MYOF: variants seen among roughly 807,000 people sequenced by gnomAD.
The protein encoded by MYOF is myoferlin.
In MYOF, 244 loss-of-function variants were observed where a neutral mutation model predicts 284.2. That is an observed-to-expected ratio of 0.86 (90% confidence interval 0.77 to 0.95). The LOEUF is 0.95. MYOF is among the 40% of genes least tolerant of loss of function. The pLI is 0.00. For synonymous variants in MYOF, 904 were observed against 919.7 expected, an observed-to-expected ratio of 0.98 and a Z score of 0.31; for missense variants, 2,496 against 2,560.6, an observed-to-expected ratio of 0.97 and a Z score of 0.54.
rs562854028 is a variant in MYOF, at chr10:93,359,336, G to A, written c.3120+497C>T. ...TTCTATACATGCCACTTATTATTGAGTGTTACTGTTCTATTTAATTTATTA... is the reference window on the plus strand; with the variant it reads ...TTCTATACATGCCACTTATTATTGAATGTTACTGTTCTATTTAATTTATTA... On this transcript the variant is annotated intron_variant, in intron 29 of 53. Coordinates refer to ENST00000359263, the MANE Select transcript of MYOF (RefSeq NM_013451.4). 4.4e-5 allele frequency among the ~76,000 whole-genome samples: 6 copies of A among 136,122 alleles called. No homozygotes were observed. The South Asian group carries it at 1.6e-3, about 37-fold the overall frequency. 89.3% of individuals were successfully genotyped at this position (136,122 alleles called of 152,430 possible).
intron 27 of MYOF, among the ~76,000 whole-genome samples, chr10:93,362,627 ATTGAC>A (rs1845130634): frequency 6.6e-6 from 1 of 152,184 alleles, no homozygotes. Flanking sequence ...TATCTAAAAT[ATTGAC>A]TTAAGTTTGC....
At chr10:93,472,480 A>C (rs1219013861) in intron 1 of MYOF, among the ~76,000 whole-genome samples, 1 of 152,068 alleles carries the variant, frequency 6.6e-6, no homozygotes, top group East Asian at 1.9e-4. Flanking sequence ...CTCTACTAAA[A>C]ATACAAAAAT....
chr10:93,361,433 C>A lies in MYOF; in HGVS notation c.2974+19G>T, dbSNP rs368754581. On this transcript the variant is annotated intron_variant, in intron 28 of 53. Transcript: ENST00000359263. Reference sequence around the variant, plus strand: ...CCCTGCTGCAGAGCCCCAATCAGGTCACAGATGTACAATGTTACCTTTCTC... The same window carrying A: ...CCCTGCTGCAGAGCCCCAATCAGGTAACAGATGTACAATGTTACCTTTCTC... 26 of 1,610,496 alleles carry A rather than the reference C, an allele frequency of 1.6e-5. No individual in the cohort carries two copies. In the African/African-American group the frequency reaches 1.7e-4, roughly 11 times the overall value.
At chr10:93,313,263 T>C in intron 50 of MYOF, 53 bp from the exon 51 acceptor site, 1 of 1,532,910 alleles carries the variant, frequency 6.5e-7, no homozygotes, top group East Asian at 2.3e-5. Context: ...GATCAGCTGT[T>C]GTTCACAAGT....
At chr10:93,412,857 C>T (rs757875877) in intron 5 of MYOF, among the ~76,000 whole-genome samples, 1 of 152,206 alleles carries the variant, frequency 6.6e-6, no homozygotes, top group South Asian at 2.1e-4. Context: ...AAGGGGTGCT[C>T]CTCCCAACCT....
At chr10:93,346,699 G>T (rs772117597) in intron 37 of MYOF, among the ~76,000 whole-genome samples, 1 of 152,210 alleles carries the variant, frequency 6.6e-6, no homozygotes, top group Non-Finnish European at 1.5e-5. Context: ...TCCTCTCTCA[G>T]TGTTCATGGG....
intron 32 of MYOF, among the ~76,000 whole-genome samples, chr10:93,352,642 T>C (rs953761430): frequency 2.0e-5 from 3 of 152,226 alleles, no homozygotes; most frequent in African/African-American, 7.2e-5. Context: ...ACACAATATC[T>C]AGCCTGAAAC....
In MYOF at chr10:93,478,409, C is replaced by T. The variant is rs544400083; in HGVS notation, c.88+3698G>A. The stretch of plus-strand genomic sequence containing the variant: ...CGAAGGATATGAAAAATTACATAAG[C>T]GTTGTGGCTTTCATAATCTACACCT... On this transcript the variant is annotated intron_variant, in intron 1 of 53. Transcript: ENST00000359263. 9 of 163,750 alleles carry T rather than the reference C, an allele frequency of 5.5e-5. No individual in the cohort carries two copies. The South Asian group carries it at 1.0e-3, about 19-fold the overall frequency. The allele number at this position is 163,750 out of a possible 1,614,324, so 10.1% of individuals were successfully genotyped here.
At chr10:93,351,048 C>A in intron 35 of MYOF, 149 bp downstream of exon 35, 1 of 811,274 alleles carries the variant, frequency 1.2e-6, no homozygotes, top group Non-Finnish European at 2.0e-6. Flanking sequence ...CTTCTACTCC[C>A]ATGAATACCT....
chr10:93,410,196 C>T (rs1018855458), intron 5 of MYOF, among the ~76,000 whole-genome samples: 2 of 152,110 alleles, frequency 1.3e-5, no homozygotes, highest in Admixed American at 6.6e-5. Context: ...CTGCTTGAGC[C>T]TCCTAATTCA....
chr10:93,461,598 G>T (rs908243946), intron 1 of MYOF, among the ~76,000 whole-genome samples: 4 of 152,162 alleles, frequency 2.6e-5, no homozygotes, highest in African/African-American at 9.7e-5. Flanking sequence ...GCTCACTCCA[G>T]TAGACACAAT....
Position 93,359,061 on chromosome 10 carries a change from CT to C in MYOF, c.3120+771del, listed in dbSNP as rs1844943158. ...AAAGATGACTGTGGCTCCATCTTTG[CT>C]TCCAGAAGCTCACCATCTAATAAAA... On this transcript the variant is annotated intron_variant, in intron 29 of 53. Coordinates refer to ENST00000359263, the MANE Select transcript of MYOF (RefSeq NM_013451.4). Among the ~76,000 whole-genome samples the C allele has an allele frequency of 5.9e-5, 9 of 152,228 alleles. No homozygotes were observed. In the South Asian group the frequency reaches 1.9e-3, roughly 32 times the overall value.
chr10:93,316,637 T>C (rs1282031911), intron 50 of MYOF, 77 bp downstream of exon 50: 1 of 1,312,422 alleles, frequency 7.6e-7, no homozygotes, highest in East Asian at 2.3e-5. Flanking sequence ...ATTTAAAGAA[T>C]TGCTTCCAAG....
At chr10:93,406,288 T>TTATATATATATATATATATATATA (rs3980375) in intron 7 of MYOF, among the ~76,000 whole-genome samples, 613 of 57,878 alleles carry the variant, frequency 0.011, 39 homozygotes, top group Non-Finnish European at 0.016. Context: ...TAAACCTCTT[T>TTATATATATATATATATATATATA]TATATATATA....
chr10:93,372,155 T>C (rs1845621965), intron 24 of MYOF, among the ~76,000 whole-genome samples: 1 of 152,220 alleles, frequency 6.6e-6, no homozygotes, highest in Non-Finnish European at 1.5e-5. Context: ...TTTTCTCTTC[T>C]TAATTGTTAT....
chr10:93,478,840 AAAAGAAAG>A (rs1333378368), intron 1 of MYOF, among the ~76,000 whole-genome samples: 1 of 78,052 alleles, frequency 1.3e-5, no homozygotes, highest in Non-Finnish European at 2.5e-5. Context: ...AAAAAAAAAA[AAAAGAAAG>A]AAAGAAAGAA....
intron 29 of MYOF, among the ~76,000 whole-genome samples, chr10:93,359,188 A>G (rs992766862): frequency 2.6e-5 from 4 of 152,134 alleles, no homozygotes; most frequent in Non-Finnish European, 5.9e-5. Context: ...TCACTTACTA[A>G]ACACTTGGCC....
chr10:93,453,535 GTGATC>G (rs988461487), intron 2 of MYOF, among the ~76,000 whole-genome samples: 4 of 151,864 alleles, frequency 2.6e-5, no homozygotes, highest in African/African-American at 9.7e-5. Context: ...CTGACCTCAT[GTGATC>G]TACCCGTCTT....
chr10:93,348,937 T>C (rs924906933), intron 36 of MYOF, among the ~76,000 whole-genome samples: 3 of 152,110 alleles, frequency 2.0e-5, no homozygotes, highest in African/African-American at 7.2e-5. Context: ...TGACACTGGA[T>C]AAATCATTTC....
Sources: allele counts gnomAD v4.1 joint callset (sites outside exome capture counted in the v4.1 genomes callset), GRCh38; gene constraint gnomAD v4.1.1; transcripts MANE v1.5; gene names NCBI Gene and HGNC (gene_info 2026-07-23, HGNC 2026-07-21).